Variants in FANCL observed in about 807,000 individuals in gnomAD.
FANCL encodes FA complementation group L, also known as E3 ubiquitin-protein ligase FANCL.
A neutral mutation model predicts 59.4 loss-of-function variants in FANCL; 69 were observed. That is an observed-to-expected ratio of 1.16 (90% CI 0.96 to 1.42). The LOEUF (loss-of-function observed/expected upper bound fraction) is 1.42. Among genes scored for constraint, FANCL ranks in the 40% most tolerant of loss-of-function variants. FANCL has a pLI of 0.00. For synonymous variants in FANCL, 180 were observed against 147.1 expected, an observed-to-expected ratio of 1.22 and a Z score of -1.62; for missense variants, 519 against 447.2, an observed-to-expected ratio of 1.16 and a Z score of -1.45.
intron 6 of FANCL, among the ~76,000 whole-genome samples, chr2:58,202,189 A>C (rs1690102167): frequency 6.8e-6 from 1 of 147,030 alleles, no homozygotes; most frequent in African/African-American, 2.5e-5. Flanking sequence ...TGAAAGTAAA[A>C]GTTTGACAAT....
intron 7 of FANCL, among the ~76,000 whole-genome samples, chr2:58,184,017 A>G (rs1341856496): frequency 1.3e-5 from 2 of 152,048 alleles, no homozygotes; most frequent in Non-Finnish European, 2.9e-5. Flanking sequence ...GGTGACTTCC[A>G]GGTATAGAAG....
chr2:58,217,285 T>C (rs902854094), intron 5 of FANCL, among the ~76,000 whole-genome samples: 8 of 143,094 alleles, frequency 5.6e-5, no homozygotes, highest in Non-Finnish European at 1.2e-4. Context: ...TATTCTCTCA[T>C]AGTTCTGGAG....
chr2:58,203,447 C>G (rs192112014), intron 6 of FANCL, among the ~76,000 whole-genome samples: 18 of 151,666 alleles, frequency 1.2e-4, no homozygotes, highest in African/African-American at 4.1e-4. Context: ...TCTTCAAATT[C>G]TCATGTTTCT....
At chr2:58,198,044 T>TGC (rs201297014) in intron 7 of FANCL, among the ~76,000 whole-genome samples, 144 of 147,732 alleles carry the variant, frequency 9.7e-4, no homozygotes, top group African/African-American at 2.9e-3. Flanking sequence ...TGTGTGTGTG[T>TGC]GCGTGTGTGT....
At chr2:58,223,229 G>A (rs539831809) in intron 4 of FANCL, among the ~76,000 whole-genome samples, 3 of 151,194 alleles carry the variant, frequency 2.0e-5, no homozygotes, top group Non-Finnish European at 3.0e-5. Context: ...AGAAGACAAA[G>A]TATATGCTGC....
chr2:58,198,616 A>T lies in FANCL; in HGVS notation c.518T>A (p.Phe173Tyr). The T allele has an allele frequency of 6.2e-7, 1 of 1,614,014 alleles. No homozygotes were observed. The highest frequency in any genetic ancestry group is 1.1e-5 in the South Asian group (1 of 91,080). ...PDYFVDFPVP[F>Y]CASWTPQSSL... ...TACCTGAGGTGTCCAGGAGGCACAAAATGGAACAGGAAAATCCACAAAATA... is the reference window on the plus strand; with the variant it reads ...TACCTGAGGTGTCCAGGAGGCACAATATGGAACAGGAAAATCCACAAAATA... The change falls in exon 7 of 14, where the codon TTT becomes TAT. Residue 173 changes from phenylalanine to tyrosine, a missense_variant. By Grantham distance (22) the Phe-to-Tyr change is conservative. Coordinates refer to ENST00000233741, the MANE Select transcript of FANCL (RefSeq NM_018062.4).
At chr2:58,178,528 A>G (rs1409247863) in intron 7 of FANCL, among the ~76,000 whole-genome samples, 3 of 152,172 alleles carry the variant, frequency 2.0e-5, no homozygotes, top group Non-Finnish European at 2.9e-5. Context: ...ATAAAATTCA[A>G]TACCCCTTCA....
At chr2:58,181,856 C>T (rs1276893921) in intron 7 of FANCL, among the ~76,000 whole-genome samples, 3 of 151,570 alleles carry the variant, frequency 2.0e-5, no homozygotes. Context: ...AGAAAGCTGA[C>T]CAAATTATTA....
At chr2:58,183,419 T>C (rs1192933376) in intron 7 of FANCL, among the ~76,000 whole-genome samples, 1 of 151,888 alleles carries the variant, frequency 6.6e-6, no homozygotes, top group Non-Finnish European at 1.5e-5. Flanking sequence ...ATGGTTTGGC[T>C]CCTCTCTTAC....
At chr2:58,164,560 G>C (rs569240715) in intron 8 of FANCL, among the ~76,000 whole-genome samples, 1 of 151,820 alleles carries the variant, frequency 6.6e-6, no homozygotes, top group African/African-American at 2.4e-5. Flanking sequence ...TTCAAAACTT[G>C]GTCTTAAGAA....
intron 7 of FANCL, among the ~76,000 whole-genome samples, chr2:58,169,630 C>A (rs1011792929): frequency 3.3e-5 from 5 of 151,584 alleles, no homozygotes; most frequent in Non-Finnish European, 5.9e-5. Context: ...TGTTCTAACC[C>A]AATGCAAGGA....
intron 12 of FANCL, 109 bp from the exon 13 acceptor site, chr2:58,160,288 ACTTAG>A (rs1451599535): frequency 8.7e-7 from 1 of 1,153,764 alleles, no homozygotes; most frequent in African/African-American, 1.5e-5. Flanking sequence ...ATTCCAGAAG[ACTTAG>A]CTTAATTTTG....
At chr2:58,172,163 TG>T (rs1686711272) in intron 7 of FANCL, among the ~76,000 whole-genome samples, 1 of 152,220 alleles carries the variant, frequency 6.6e-6, no homozygotes, top group African/African-American at 2.4e-5. Flanking sequence ...GCTCCACCTC[TG>T]GGGACACGGC....
chr2:58,171,375 A>G (rs1686592050), intron 7 of FANCL, among the ~76,000 whole-genome samples: 1 of 152,226 alleles, frequency 6.6e-6, no homozygotes, highest in African/African-American at 2.4e-5. Context: ...ACACAGCCAA[A>G]GCAGTGTTTC....
intron 4 of FANCL, among the ~76,000 whole-genome samples, chr2:58,222,613 G>A (rs922520934): frequency 2.0e-5 from 3 of 151,998 alleles, no homozygotes; most frequent in Admixed American, 6.5e-5. Flanking sequence ...TTACAGTCCC[G>A]TTCCTTGCTA....
At chr2:58,176,963 G>A (rs1687390180) in intron 7 of FANCL, among the ~76,000 whole-genome samples, 1 of 152,028 alleles carries the variant, frequency 6.6e-6, no homozygotes, top group Non-Finnish European at 1.5e-5. Context: ...ATCAAAAAGT[G>A]GGCAAAGGAC....
chr2:58,202,225 C>G (rs1263669592), intron 6 of FANCL, among the ~76,000 whole-genome samples: 1 of 125,502 alleles, frequency 8.0e-6, no homozygotes, highest in Non-Finnish European at 1.6e-5. Context: ...TTATATATAC[C>G]TATACCTTTT....
chr2:58,188,197 G>A (rs1019301789), intron 7 of FANCL, among the ~76,000 whole-genome samples: 5 of 151,888 alleles, frequency 3.3e-5, no homozygotes, highest in African/African-American at 4.8e-5. Flanking sequence ...TTGTACCTTC[G>A]TTGAAAACAG....
At position 58,241,293 on chromosome 2, in the gene FANCL, G is replaced by C. The variant is rs200559825; in HGVS notation, c.21C>G (p.Ser7Arg). The change falls in exon 1 of 14, where the codon AGC becomes AGG. Residue 7 changes from serine to arginine, a missense_variant. By Grantham distance (110) the Ser-to-Arg change is moderately radical. Transcript: ENST00000233741. Reference sequence around the variant, plus strand: ...GAAGCAGGGGGCACTGGCGCAACAGGCTCGCTTCCGTCACCGCCATGGCTC... The same window carrying C: ...GAAGCAGGGGGCACTGGCGCAACAGCCTCGCTTCCGTCACCGCCATGGCTC... Reference protein sequence around the residue: MAVTEASLLRQCPLLLP... With the variant: MAVTEARLLRQCPLLLP... 7 of 1,614,244 alleles carry C rather than the reference G, an allele frequency of 4.3e-6. No homozygotes were observed. In the East Asian group the frequency reaches 8.9e-5, roughly 21 times the overall value.
Sources: gnomAD v4.1 joint callset for allele counts (sites outside exome capture counted in the v4.1 genomes callset) on GRCh38, gnomAD v4.1.1 for gene constraint, MANE v1.5 for transcripts, NCBI Gene and HGNC (gene_info 2026-07-23, HGNC 2026-07-21) for gene names.